Variants in BNC2 observed in about 807,000 individuals in gnomAD.
The protein encoded by BNC2 is basonuclin zinc finger protein 2, also known as zinc finger protein basonuclin-2.
Under a neutral mutation model 76.3 loss-of-function variants are expected in BNC2, and 20 were observed. The observed-to-expected ratio is 0.26, with a 90% CI of 0.18 to 0.38. The LOEUF (loss-of-function observed/expected upper bound fraction) is 0.38, where lower values mean the gene tolerates loss of function less well. Among genes scored for constraint, BNC2 ranks in the 10% least tolerant of loss-of-function variants. The pLI, the probability that BNC2 is intolerant of heterozygous loss-of-function variation, is 1.00. For missense variants in BNC2, 1,382 were observed against 1,399.8 expected, an observed-to-expected ratio of 0.99 and a Z score of 0.20; for synonymous variants, 582 against 514.8, an observed-to-expected ratio of 1.13 and a Z score of -1.77.
intron 4 of BNC2, among the ~76,000 whole-genome samples, chr9:16,574,749 T>G (rs779534612): frequency 2.4e-4 from 36 of 152,244 alleles, no homozygotes; most frequent in Non-Finnish European, 3.4e-4. Context: ...ATAACAATAC[T>G]AGCTCCTAAA....
intron 5 of BNC2, among the ~76,000 whole-genome samples, chr9:16,528,890 C>T (rs1817892820): frequency 6.6e-6 from 1 of 152,196 alleles, no homozygotes; most frequent in Admixed American, 6.5e-5. Flanking sequence ...TTACTACCAC[C>T]GTAGTGGCTT....
chr9:16,769,936 TAC>T (rs1159618831), intron 1 of BNC2, among the ~76,000 whole-genome samples: 1 of 152,036 alleles, frequency 6.6e-6, no homozygotes, highest in Non-Finnish European at 1.5e-5. Context: ...CCTCCGGAAT[TAC>T]AGAGAAATTT....
intron 5 of BNC2, among the ~76,000 whole-genome samples, chr9:16,486,217 G>T (rs1023358107): frequency 6.6e-6 from 1 of 152,194 alleles, no homozygotes; most frequent in Non-Finnish European, 1.5e-5. Flanking sequence ...GATGATCCTG[G>T]CCTCTGTCAC....
At chr9:16,476,685 C>G (rs1178834384) in intron 5 of BNC2, among the ~76,000 whole-genome samples, 1 of 152,056 alleles carries the variant, frequency 6.6e-6, no homozygotes, top group African/African-American at 2.4e-5. Flanking sequence ...TAGAACCTCT[C>G]AGCTTTGGCA....
intron 3 of BNC2, among the ~76,000 whole-genome samples, chr9:16,615,909 G>A (rs1820683172): frequency 6.6e-6 from 1 of 152,052 alleles, no homozygotes. Context: ...AGGAGACTAA[G>A]GGTCAAGGAG....
chr9:16,424,098 T>C (rs1034903686), intron 6 of BNC2, among the ~76,000 whole-genome samples: 3 of 152,104 alleles, frequency 2.0e-5, no homozygotes, highest in African/African-American at 7.2e-5. Flanking sequence ...TAAGTGCAAA[T>C]GCCCTTTAGA....
At chr9:16,430,693 T>A (rs1187150622) in intron 6 of BNC2, among the ~76,000 whole-genome samples, 1 of 152,204 alleles carries the variant, frequency 6.6e-6, no homozygotes, top group Non-Finnish European at 1.5e-5. Flanking sequence ...TCAGACAAGC[T>A]AATACTATAC....
intron 4 of BNC2, among the ~76,000 whole-genome samples, chr9:16,576,411 G>T (rs940778057): frequency 6.6e-6 from 1 of 152,186 alleles, no homozygotes; most frequent in Admixed American, 6.5e-5. Context: ...AAGGAGAGAA[G>T]ACTAGGGAAG....
At chr9:16,852,783 G>A (rs1406811636) in intron 1 of BNC2, among the ~76,000 whole-genome samples, 1 of 149,802 alleles carries the variant, frequency 6.7e-6, no homozygotes, top group African/African-American at 2.4e-5. Flanking sequence ...AATGAGGGAG[G>A]AAGCCCTGCA....
chr9:16,819,688 A>C (rs1452270813), intron 1 of BNC2, among the ~76,000 whole-genome samples: 1 of 152,120 alleles, frequency 6.6e-6, no homozygotes, highest in African/African-American at 2.4e-5. Context: ...CCAAACCAAT[A>C]TCCACAGAAA....
chr9:16,456,755 ATC>A (rs1821458284), intron 5 of BNC2, among the ~76,000 whole-genome samples: 1 of 152,172 alleles, frequency 6.6e-6, no homozygotes, highest in Non-Finnish European at 1.5e-5. Context: ...CTAGCAAATT[ATC>A]TGTCGGTAGG....
intron 1 of BNC2, among the ~76,000 whole-genome samples, chr9:16,777,832 G>T (rs1257509999): frequency 6.6e-6 from 1 of 152,002 alleles, no homozygotes; most frequent in South Asian, 2.1e-4. Context: ...CCAAAGAGAA[G>T]TGGTGACAAT....
intron 5 of BNC2, among the ~76,000 whole-genome samples, chr9:16,467,575 C>G (rs1267604741): frequency 7.3e-6 from 1 of 136,958 alleles, no homozygotes; most frequent in Non-Finnish European, 1.5e-5. Flanking sequence ...AGTAAACTAT[C>G]GCAAGAACAA....
chr9:16,499,520 C>CTT (rs146073367), intron 5 of BNC2, among the ~76,000 whole-genome samples: 1 of 126,184 alleles, frequency 7.9e-6, no homozygotes, highest in South Asian at 3.1e-4. Flanking sequence ...CCCTAAATAT[C>CTT]TTTTTTTTTC....
chr9:16,784,725 G>A (rs888916313), intron 1 of BNC2, among the ~76,000 whole-genome samples: 2 of 152,178 alleles, frequency 1.3e-5, no homozygotes, highest in African/African-American at 4.8e-5. Context: ...AAAGTGGGCA[G>A]GTACTGCAAC....
intron 1 of BNC2, among the ~76,000 whole-genome samples, chr9:16,795,611 G>A (rs972795656): frequency 1.3e-5 from 2 of 152,020 alleles, no homozygotes; most frequent in Admixed American, 1.3e-4. Flanking sequence ...ACATTCCCAG[G>A]CTGATCCCAG....
At chr9:16,680,028 A>G (rs1482556071) in intron 3 of BNC2, among the ~76,000 whole-genome samples, 2 of 152,174 alleles carry the variant, frequency 1.3e-5, no homozygotes, top group Non-Finnish European at 2.9e-5. Context: ...TAACCCCTCC[A>G]TCATGATCTT....
chr9:16,676,426 T>A (rs1305746498), intron 3 of BNC2, among the ~76,000 whole-genome samples: 2 of 152,258 alleles, frequency 1.3e-5, no homozygotes, highest in East Asian at 1.9e-4. Context: ...TTCCTTCTTC[T>A]ATGAAGCTGC....
intron 5 of BNC2, among the ~76,000 whole-genome samples, chr9:16,480,364 C>T (rs1369002970): frequency 6.6e-6 from 1 of 152,248 alleles, no homozygotes; most frequent in East Asian, 1.9e-4. Context: ...TCACAGCCCT[C>T]GCTCACTCTC....
Sources: gnomAD v4.1 joint callset for allele counts (sites outside exome capture counted in the v4.1 genomes callset) on GRCh38, gnomAD v4.1.1 for gene constraint, MANE v1.5 for transcripts, NCBI Gene and HGNC (gene_info 2026-07-23, HGNC 2026-07-21) for gene names.